Variants in CADM2 observed in about 807,000 individuals in gnomAD.
CADM2 encodes the protein cell adhesion molecule 2, also known as immunoglobulin superfamily member 4D.
A neutral mutation model predicts 49.8 loss-of-function variants in CADM2; 12 were observed. The ratio of observed to expected loss-of-function variants is 0.24; its 90% confidence interval spans 0.15 to 0.39. The LOEUF is 0.39. CADM2 is among the 10% of genes least tolerant of loss of function. The pLI is 1.00. For missense variants in CADM2, 378 were observed against 492.3 expected (o/e 0.77, Z 2.20); for synonymous variants, 214 against 175.4 (o/e 1.22, Z -1.74).
chr3:86,000,878 G>A (rs191742435), intron 8 of CADM2, among the ~76,000 whole-genome samples: 2 of 151,448 alleles, frequency 1.3e-5, no homozygotes, highest in East Asian at 3.9e-4. Flanking sequence ...GAGAGGAGAG[G>A]TCCTAATTGG....
At chr3:85,534,857 G>A (rs1290931477) in intron 1 of CADM2, among the ~76,000 whole-genome samples, 1 of 152,040 alleles carries the variant, frequency 6.6e-6, no homozygotes, top group East Asian at 1.9e-4. Flanking sequence ...TCAGATTCAG[G>A]TAAGAAAATG....
rs1197259911 is a variant in CADM2, at chr3:85,449,294, A to G, written c.62-277228A>G. Among the ~76,000 whole-genome samples the G allele has an allele frequency of 2.0e-5, 3 of 151,908 alleles. No homozygotes were observed. The East Asian group carries it at 5.8e-4, about 29-fold the overall frequency. On this transcript the variant is annotated intron_variant, in intron 1 of 9. Coordinates refer to ENST00000383699, the MANE Select transcript of CADM2 (RefSeq NM_001167675.2). ...ATTGGTCTATGGGGTCTAGATGAAG[A>G]TTTTGTTATATAAAGGCGAGCTTTT... is the stretch of plus-strand genomic sequence containing the variant.
At chr3:85,297,347 T>C (rs1228356646) in intron 1 of CADM2, among the ~76,000 whole-genome samples, 3 of 152,056 alleles carry the variant, frequency 2.0e-5, no homozygotes, top group Admixed American at 1.3e-4. Context: ...TCTGGCTTCA[T>C]CTGGGCTGGT....
intron 1 of CADM2, among the ~76,000 whole-genome samples, chr3:85,275,744 ACTTT>A (rs2043342487): frequency 1.3e-5 from 2 of 151,250 alleles, no homozygotes; most frequent in African/African-American, 4.8e-5. Context: ...ATACCTTTTC[ACTTT>A]CTTTATTGAA....
At chr3:85,910,560 T>A (rs960665347) in intron 5 of CADM2, among the ~76,000 whole-genome samples, 3 of 152,076 alleles carry the variant, frequency 2.0e-5, no homozygotes, top group African/African-American at 7.2e-5. Flanking sequence ...TTAGTAAAAA[T>A]GAGATGAGAT....
intron 1 of CADM2, among the ~76,000 whole-genome samples, chr3:85,617,741 G>A (rs561009622): frequency 9.2e-5 from 14 of 152,248 alleles, no homozygotes; most frequent in African/African-American, 3.4e-4. Context: ...CCACCAGTCA[G>A]TCATTAGGAT....
chr3:85,950,642 C>T (rs1372296666), intron 7 of CADM2, among the ~76,000 whole-genome samples: 1 of 151,088 alleles, frequency 6.6e-6, no homozygotes, highest in Non-Finnish European at 1.5e-5. Flanking sequence ...CTGTTTCAAC[C>T]ACAAGCTTCT....
At chr3:85,474,928 C>A (rs1316791932) in intron 1 of CADM2, among the ~76,000 whole-genome samples, 1 of 151,902 alleles carries the variant, frequency 6.6e-6, no homozygotes, top group Non-Finnish European at 1.5e-5. Flanking sequence ...ACAGACTCAG[C>A]ATCCTCGAAT....
chr3:85,458,790 A>C (rs2107584427), intron 1 of CADM2, among the ~76,000 whole-genome samples: 1 of 152,130 alleles, frequency 6.6e-6, no homozygotes, highest in East Asian at 1.9e-4. Context: ...AAGACAAAAA[A>C]AATCAAAGAA....
intron 8 of CADM2, among the ~76,000 whole-genome samples, chr3:86,043,963 C>T (rs1427462121): frequency 4.6e-5 from 7 of 151,938 alleles, no homozygotes; most frequent in South Asian, 2.1e-4. Flanking sequence ...AATGGGGAAA[C>T]GGTTCCCTAT....
chr3:85,847,763 T>C (rs2074942043), intron 3 of CADM2, among the ~76,000 whole-genome samples: 2 of 152,152 alleles, frequency 1.3e-5, no homozygotes, highest in Admixed American at 1.3e-4. Context: ...GGCCCATTAA[T>C]GGATAAGCAA....
chr3:85,750,968 A>G (rs1053904623), intron 2 of CADM2, among the ~76,000 whole-genome samples: 8 of 151,800 alleles, frequency 5.3e-5, no homozygotes, highest in Non-Finnish European at 8.8e-5. Flanking sequence ...TAGGCATTAG[A>G]TTTAGAATTT....
chr3:85,152,145 C>G (rs1359365328), intron 1 of CADM2, among the ~76,000 whole-genome samples: 1 of 152,092 alleles, frequency 6.6e-6, no homozygotes, highest in Non-Finnish European at 1.5e-5. Context: ...TGTATTATTA[C>G]TTCACTTTTC....
At chr3:85,085,542 T>A (rs995615004) in intron 1 of CADM2, among the ~76,000 whole-genome samples, 2 of 152,168 alleles carry the variant, frequency 1.3e-5, no homozygotes, top group Non-Finnish European at 2.9e-5. Context: ...GTTAGTTTAT[T>A]CTTAAGATAT....
intron 8 of CADM2, chr3:85,979,133 A>T: frequency 1.2e-6 from 2 of 1,600,446 alleles, no homozygotes; most frequent in African/African-American, 2.7e-5. Context: ...GCATGATATG[A>T]TTTTGTTTAT....
chr3:85,061,004 A>C (rs764004863), intron 1 of CADM2, among the ~76,000 whole-genome samples: 1 of 152,176 alleles, frequency 6.6e-6, no homozygotes, highest in African/African-American at 2.4e-5. Context: ...TGAACCAGAA[A>C]CAGATGCTGA....
At chr3:85,345,993 A>G (rs1282218004) in intron 1 of CADM2, among the ~76,000 whole-genome samples, 2 of 152,196 alleles carry the variant, frequency 1.3e-5, no homozygotes, top group Non-Finnish European at 2.9e-5. Context: ...AATGTCCACA[A>G]TTGGGGAATC....
chr3:85,277,893 T>C (rs2043397723), intron 1 of CADM2, among the ~76,000 whole-genome samples: 1 of 151,350 alleles, frequency 6.6e-6, no homozygotes, highest in African/African-American at 2.4e-5. Flanking sequence ...CTTTGTTCCC[T>C]TTCTCTGAAA....
intron 1 of CADM2, among the ~76,000 whole-genome samples, chr3:84,992,655 AT>A (rs1186248452): frequency 6.6e-6 from 1 of 152,074 alleles, no homozygotes; most frequent in African/African-American, 2.4e-5. Context: ...TAATAAACAA[AT>A]AACTAGTTTT....
Sources: gnomAD v4.1 joint callset for allele counts (sites outside exome capture counted in the v4.1 genomes callset) on GRCh38, gnomAD v4.1.1 for gene constraint, MANE v1.5 for transcripts, NCBI Gene and HGNC (gene_info 2026-07-23, HGNC 2026-07-21) for gene names.